The following PPP3CC variants were observed in gnomAD, a reference collection of about 807,000 sequenced individuals.
PPP3CC encodes protein phosphatase 3 catalytic subunit gamma.
In PPP3CC, 35 loss-of-function variants were observed where a neutral mutation model predicts 60.3. The ratio of observed to expected loss-of-function variants is 0.58; its 90% CI spans 0.44 to 0.77. PPP3CC has a LOEUF of 0.77. Among genes scored for constraint, PPP3CC ranks in the 30% least tolerant of loss-of-function variants. The pLI is 0.00. For synonymous variants in PPP3CC, 206 were observed against 224.3 expected (o/e 0.92, Z 0.73); for missense variants, 570 against 628.9 (o/e 0.91, Z 1.00).
chr8:22,526,206 A>T (rs1839558232), intron 8 of PPP3CC, among the ~76,000 whole-genome samples: 1 of 152,188 alleles, frequency 6.6e-6, no homozygotes, highest in Non-Finnish European at 1.5e-5. Context: ...TAGTTACACG[A>T]AAGACCTTTA....
intron 3 of PPP3CC, among the ~76,000 whole-genome samples, chr8:22,484,425 T>A (rs1032648391): frequency 6.6e-6 from 1 of 152,196 alleles, no homozygotes; most frequent in Non-Finnish European, 1.5e-5. Context: ...GTTTTGGTCA[T>A]GAAATAGTAA....
chr8:22,539,235 T>C (rs1357539291), intron 12 of PPP3CC, among the ~76,000 whole-genome samples: 2 of 147,590 alleles, frequency 1.4e-5, no homozygotes, highest in Non-Finnish European at 3.0e-5. Flanking sequence ...CAATGTTCCA[T>C]GGCACCTGAA....
chr8:22,490,077 C>A (rs1006897986), intron 3 of PPP3CC, among the ~76,000 whole-genome samples: 2 of 151,934 alleles, frequency 1.3e-5, no homozygotes, highest in African/African-American at 2.4e-5. Context: ...CCCACCTTGG[C>A]CTCCCAAAGT....
intron 3 of PPP3CC, among the ~76,000 whole-genome samples, chr8:22,488,306 A>AT (rs1250200084): frequency 6.6e-6 from 1 of 152,222 alleles, no homozygotes. Context: ...AAGGTTATTT[A>AT]TATGTGTCTA....
At chr8:22,528,798 C>CTG (rs1403038047) in intron 10 of PPP3CC, among the ~76,000 whole-genome samples, 2 of 152,286 alleles carry the variant, frequency 1.3e-5, no homozygotes, top group East Asian at 3.9e-4. Context: ...TTAATGTATA[C>CTG]TGTGTTAATT....
At chr8:22,481,345 A>AAATAATAATAAT (rs56115827) in intron 3 of PPP3CC, among the ~76,000 whole-genome samples, 327 of 143,994 alleles carry the variant, frequency 2.3e-3, no homozygotes, top group African/African-American at 5.5e-3. Context: ...CAAGAAAAAT[A>AAATAATAATAAT]AATAATAATA....
Position 22,466,737 on chromosome 8 carries a change from G to A in PPP3CC, c.50-8217G>A, listed in dbSNP as rs1017482929. On this transcript the variant is annotated intron_variant, in intron 1 of 13. Transcript: ENST00000240139. ...TGGATATTAGCCCTTTGTCAGATGGGTAGATTGCAAAAATTTTTTCTGTTT... is the reference window on the plus strand; with the variant it reads ...TGGATATTAGCCCTTTGTCAGATGGATAGATTGCAAAAATTTTTTCTGTTT... Among the ~76,000 whole-genome samples, 5 of 152,028 alleles carry A rather than the reference G, an allele frequency of 3.3e-5. No individual in the cohort carries two copies. In the South Asian group the frequency reaches 1.0e-3, roughly 32 times the overall value.
At chr8:22,479,617 G>T (rs1008051458) in intron 3 of PPP3CC, among the ~76,000 whole-genome samples, 1 of 151,720 alleles carries the variant, frequency 6.6e-6, no homozygotes, top group Non-Finnish European at 1.5e-5. Context: ...GGTGGTGGGC[G>T]CCTGTAATCT....
intron 1 of PPP3CC, 119 bp downstream of exon 1, chr8:22,441,577 G>T: frequency 8.9e-7 from 1 of 1,120,328 alleles, no homozygotes; most frequent in Non-Finnish European, 1.2e-6. Flanking sequence ...GGCTCGGAGG[G>T]GTGTAGACAG....
At chr8:22,525,543 C>T (rs2449351) in intron 8 of PPP3CC, among the ~76,000 whole-genome samples, 1,105 of 34,790 alleles carry the variant, frequency 0.032, 11 homozygotes, top group African/African-American at 0.064. Flanking sequence ...TCTTTCTCTC[C>T]CTCTCTCTCT....
chr8:22,535,521 G>A (rs1418313902), intron 12 of PPP3CC, among the ~76,000 whole-genome samples: 1 of 150,940 alleles, frequency 6.6e-6, no homozygotes, highest in African/African-American at 2.4e-5. Context: ...TTTCCCAAGA[G>A]ACAGAGTTGC....
chr8:22,461,990 A>G (rs554767135), intron 1 of PPP3CC, among the ~76,000 whole-genome samples: 4 of 152,280 alleles, frequency 2.6e-5, no homozygotes, highest in Non-Finnish European at 5.9e-5. Context: ...ATCCCAGTGC[A>G]TTGGGAGTCT....
intron 3 of PPP3CC, 110 bp downstream of exon 3, chr8:22,475,734 C>G (rs187288079): frequency 1.9e-6 from 2 of 1,066,138 alleles, no homozygotes; most frequent in African/African-American, 1.6e-5. Flanking sequence ...AATTTATAAA[C>G]TTTGTTACTT....
At chr8:22,515,455 A>G (rs1839217919) in intron 6 of PPP3CC, among the ~76,000 whole-genome samples, 1 of 152,240 alleles carries the variant, frequency 6.6e-6, no homozygotes, top group African/African-American at 2.4e-5. Flanking sequence ...TGTCTCTTCA[A>G]TATACTGATT....
At chr8:22,480,175 A>G (rs1838018485) in intron 3 of PPP3CC, among the ~76,000 whole-genome samples, 1 of 152,152 alleles carries the variant, frequency 6.6e-6, no homozygotes, top group Non-Finnish European at 1.5e-5. Context: ...AATCTGATGA[A>G]AGTTTACGAT....
At chr8:22,468,156 T>G (rs1837604267) in intron 1 of PPP3CC, among the ~76,000 whole-genome samples, 1 of 152,120 alleles carries the variant, frequency 6.6e-6, no homozygotes, top group Non-Finnish European at 1.5e-5. Flanking sequence ...CAGGCTGGAG[T>G]GCAGTGGTGC....
chr8:22,528,752 A>G (rs1411602827), intron 10 of PPP3CC, among the ~76,000 whole-genome samples, 175 bp downstream of exon 10: 2 of 152,252 alleles, frequency 1.3e-5, no homozygotes, highest in East Asian at 3.8e-4. Flanking sequence ...AGTCACCCAT[A>G]ATCCCATCAT....
At chr8:22,500,206 A>G (rs17060871) in intron 4 of PPP3CC, among the ~76,000 whole-genome samples, 1,853 of 152,300 alleles carry the variant, frequency 0.012, 32 homozygotes, top group African/African-American at 0.04. Context: ...TATTTTTGTG[A>G]TGAAAGTACT....
At chr8:22,493,444 G>A (rs1838467183) in intron 3 of PPP3CC, among the ~76,000 whole-genome samples, 1 of 151,770 alleles carries the variant, frequency 6.6e-6, no homozygotes, top group Non-Finnish European at 1.5e-5. Context: ...TAGCTTACAA[G>A]TGGTATTATG....
Sources: gnomAD v4.1 joint callset for allele counts (sites outside exome capture counted in the v4.1 genomes callset) on GRCh38, gnomAD v4.1.1 for gene constraint, MANE v1.5 for transcripts, NCBI Gene and HGNC (gene_info 2026-07-23, HGNC 2026-07-21) for gene names.